Variants in ZNF345 observed in about 807,000 individuals in gnomAD.
The protein encoded by ZNF345 is zinc finger protein HZF10.
For missense variants in ZNF345, 527 were observed against 589.9 expected (o/e 0.89, Z 1.10); for synonymous variants, 166 against 187.9 (o/e 0.88, Z 0.95).
chr19:36,884,911 G>A (rs1039270278), intron 3 of ZNF345, among the ~76,000 whole-genome samples: 2 of 152,100 alleles, frequency 1.3e-5, no homozygotes, highest in Non-Finnish European at 2.9e-5. Context: ...TTTCGTTGAT[G>A]GGTATCTGTA....
downstream of ZNF345, among the ~76,000 whole-genome samples, chr19:36,883,900 G>T (rs561184170): frequency 3.0e-4 from 46 of 152,188 alleles, no homozygotes; most frequent in African/African-American, 9.6e-4. Context: ...GTTTCCACAA[G>T]ACTGCCCTCA....
At chr19:36,858,773 A>G (rs753870368) in intron 2 of ZNF345, among the ~76,000 whole-genome samples, 2 of 152,188 alleles carry the variant, frequency 1.3e-5, no homozygotes, top group Non-Finnish European at 2.9e-5. Flanking sequence ...CTCAAAAAAT[A>G]AAAATCAAAA....
At chr19:36,890,293 C>A (rs1448691251) in intron 3 of ZNF345, 1 of 151,972 alleles carries the variant, frequency 6.6e-6, no homozygotes, top group Admixed American at 6.6e-5. Flanking sequence ...GGTGTAGAGT[C>A]CAATTTAAGT....
chr19:36,871,585 G>C (rs1375299536), intron 2 of ZNF345, among the ~76,000 whole-genome samples: 1 of 151,918 alleles, frequency 6.6e-6, no homozygotes, highest in African/African-American at 2.4e-5. Context: ...TATTTAGACA[G>C]CTCCAGTAGT....
At chr19:36,891,775 AGT>A in intron 3 of ZNF345, 2 of 1,614,180 alleles carry the variant, frequency 1.2e-6, no homozygotes, top group Non-Finnish European at 1.7e-6. Flanking sequence ...ATGGTTAGTA[AGT>A]GTTGAGGCAC....
intron 2 of ZNF345, among the ~76,000 whole-genome samples, chr19:36,875,108 T>C (rs79940097): frequency 0.022 from 3,400 of 152,288 alleles, 117 homozygotes; most frequent in African/African-American, 0.061. Flanking sequence ...ATATTATCTT[T>C]GTCTTCATGA....
At chr19:36,853,117 T>C (rs543900810) in intron 2 of ZNF345, among the ~76,000 whole-genome samples, 8 of 152,224 alleles carry the variant, frequency 5.3e-5, no homozygotes, top group South Asian at 4.1e-4. Context: ...TTTTGACAAA[T>C]AGAAGTTCTG....
intron 3 of ZNF345, chr19:36,892,149 ACATT>A: frequency 6.2e-6 from 10 of 1,614,092 alleles, no homozygotes; most frequent in Non-Finnish European, 8.5e-6. Context: ...CACATTCCTT[ACATT>A]CATAGGGTTT....
intron 2 of ZNF345, among the ~76,000 whole-genome samples, chr19:36,854,028 A>G (rs897992951): frequency 6.6e-6 from 1 of 152,160 alleles, no homozygotes; most frequent in African/African-American, 2.4e-5. Flanking sequence ...CCAAGAGACA[A>G]TGGGGGACTC....
rs748693239 is a variant in ZNF345 at position 36,891,718 on chromosome 19, C to T, written c.47-1100C>T. On this transcript the variant is annotated intron_variant, in intron 3 of 3. Transcript: ENST00000526123. ...TTCTGAGCTCTGAATAAAGGCCTTT[C>T]TACATTCTTCACATTCATAGAGCTT... 2.5e-6 allele frequency: 4 copies of T among 1,614,096 alleles called. No individual in the cohort carries two copies. Among genetic ancestry groups the T allele is most frequent in the East Asian group, 4.5e-5 (2 of 44,868 alleles).
chr19:36,890,474 T>C (rs893713144), intron 3 of ZNF345: 5 of 152,102 alleles, frequency 3.3e-5, no homozygotes, highest in African/African-American at 1.2e-4. Context: ...TTTAGGATTG[T>C]TTTATCTTCT....
downstream of ZNF345, among the ~76,000 whole-genome samples, chr19:36,883,791 A>G (rs1382228030): frequency 6.6e-6 from 1 of 152,188 alleles, no homozygotes; most frequent in Non-Finnish European, 1.5e-5. Context: ...ATTTCATGCA[A>G]CAATAAGGAT....
downstream of ZNF345, among the ~76,000 whole-genome samples, chr19:36,882,452 A>G (rs2072974574): frequency 6.8e-6 from 1 of 147,382 alleles, no homozygotes; most frequent in Non-Finnish European, 1.5e-5. Flanking sequence ...ATTTTTTAGT[A>G]GAGACGGGGT....
chr19:36,855,609 C>T (rs2072399760), intron 2 of ZNF345, among the ~76,000 whole-genome samples: 2 of 151,868 alleles, frequency 1.3e-5, no homozygotes, highest in African/African-American at 4.8e-5. Flanking sequence ...TGTGCCACCA[C>T]GCCTGGCTAA....
rs918913845 is a variant in ZNF345 at position 36,857,364 on chromosome 19, C to T, written c.-47+5460C>T. Among the ~76,000 whole-genome samples the T allele has an allele frequency of 4.6e-5, 7 of 151,840 alleles. No individual in the cohort carries two copies. The East Asian group carries it at 7.8e-4, about 17-fold the overall frequency. On this transcript the variant is annotated intron_variant, in intron 2 of 2. Coordinates refer to ENST00000420450, the MANE Select transcript of ZNF345 (RefSeq NM_001242472.2). ...CTCTGTCGCCCAGGCTGGAGTGCAG[C>T]GGCGCCATCTTGGCTCACTGCAAGC...
downstream of ZNF345, among the ~76,000 whole-genome samples, chr19:36,881,674 AAG>A (rs1366275447): frequency 1.3e-5 from 2 of 152,160 alleles, no homozygotes; most frequent in Non-Finnish European, 2.9e-5. Context: ...AATTTTTAAA[AAG>A]AATGGAATAG....
intron 2 of ZNF345, among the ~76,000 whole-genome samples, chr19:36,868,653 G>A (rs2072712708): frequency 6.9e-6 from 1 of 145,154 alleles, no homozygotes; most frequent in African/African-American, 2.6e-5. Flanking sequence ...TTGAGATGGA[G>A]TCTTGCTCTG....
chr19:36,861,020 C>T (rs763128922), intron 2 of ZNF345, among the ~76,000 whole-genome samples: 2 of 152,012 alleles, frequency 1.3e-5, no homozygotes, highest in Non-Finnish European at 2.9e-5. Flanking sequence ...AAGAGCTTTC[C>T]CTTCTCTCCC....
intron 3 of ZNF345, chr19:36,890,148 T>C (rs1438701442): frequency 6.6e-6 from 1 of 152,206 alleles, no homozygotes; most frequent in Non-Finnish European, 1.5e-5. Context: ...ATTTTGTTTT[T>C]TTAAAATTTA....
Sources: allele counts gnomAD v4.1 joint callset (sites outside exome capture counted in the v4.1 genomes callset), GRCh38; gene constraint gnomAD v4.1.1; transcripts MANE v1.5; gene names NCBI Gene and HGNC (gene_info 2026-07-23, HGNC 2026-07-21).